Variants in LMO1 observed in about 807,000 individuals in gnomAD.
LMO1 encodes LIM domain only 1, also known as rhombotin-1.
LMO1 carries 10 observed loss-of-function variants against 18.0 expected under a neutral mutation model. That is an observed-to-expected ratio of 0.55 (90% confidence interval 0.34 to 0.94). The LOEUF is 0.94. Ranked by LOEUF, LMO1 falls within the 40% of genes least tolerant of loss-of-function variation. The pLI is 0.02. For missense variants in LMO1, 183 were observed against 205.7 expected, an observed-to-expected ratio of 0.89 and a Z score of 0.68; for synonymous variants, 77 against 77.9, an observed-to-expected ratio of 0.99 and a Z score of 0.06.
At chr11:8,262,127 A>G (rs966092861) in intron 1 of LMO1, among the ~76,000 whole-genome samples, 2 of 152,230 alleles carry the variant, frequency 1.3e-5, no homozygotes, top group Non-Finnish European at 2.9e-5. Flanking sequence ...GGCCACATCA[A>G]TAACAACGCT....
At chr11:8,251,387 C>T (rs572902844) in intron 1 of LMO1, among the ~76,000 whole-genome samples, 26 of 152,296 alleles carry the variant, frequency 1.7e-4, no homozygotes, top group Non-Finnish European at 3.1e-4. Context: ...GAGGAACTGC[C>T]GACACTACCT....
intron 2 of LMO1, among the ~76,000 whole-genome samples, chr11:8,229,434 A>G (rs1334363991): frequency 6.6e-6 from 1 of 152,130 alleles, no homozygotes; most frequent in Non-Finnish European, 1.5e-5. Flanking sequence ...CTGTTAATTA[A>G]TGCGATGAGC....
intron 1 of LMO1, among the ~76,000 whole-genome samples, chr11:8,251,873 G>GTGTA (rs1491394117): frequency 2.2e-4 from 2 of 8,956 alleles, no homozygotes; most frequent in Non-Finnish European, 6.4e-4. Flanking sequence ...ATGTGTGTGA[G>GTGTA]TGTGTGTGTG....
At chr11:8,228,291 G>C (rs937913278) in intron 2 of LMO1, among the ~76,000 whole-genome samples, 4 of 152,226 alleles carry the variant, frequency 2.6e-5, no homozygotes, top group Admixed American at 2.0e-4. Flanking sequence ...GCTCCTCCTT[G>C]CTTCTTTCCT....
chr11:8,226,776 A>G (rs1044741593), intron 3 of LMO1, 199 bp downstream of exon 3: 5 of 960,836 alleles, frequency 5.2e-6, no homozygotes, highest in Non-Finnish European at 7.3e-6. Flanking sequence ...CCCAATATTA[A>G]AGTGCACACA....
At chr11:8,264,782 C>G (rs1196823424), upstream of LMO1, among the ~76,000 whole-genome samples, 1 of 152,150 alleles carries the variant, frequency 6.6e-6, no homozygotes, top group East Asian at 1.9e-4. Flanking sequence ...CAGGCACACA[C>G]CACCACGCCC....
chr11:8,258,436 C>T (rs879657161), intron 1 of LMO1, among the ~76,000 whole-genome samples: 6 of 152,236 alleles, frequency 3.9e-5, no homozygotes, highest in African/African-American at 7.2e-5. Flanking sequence ...CAGCCCAGCC[C>T]GTCTAGCCAT....
intron 1 of LMO1, among the ~76,000 whole-genome samples, chr11:8,234,315 CCAGAGGT>C (rs1952722940): frequency 6.6e-6 from 1 of 152,172 alleles, no homozygotes; most frequent in South Asian, 2.1e-4. Context: ...GGACGCACTG[CCAGAGGT>C]CATCCCGCCC....
intron 2 of LMO1, among the ~76,000 whole-genome samples, chr11:8,229,206 C>A (rs1472094058): frequency 6.6e-6 from 1 of 152,172 alleles, no homozygotes; most frequent in African/African-American, 2.4e-5. Context: ...CTTCCTTAAC[C>A]CCTGCTTCTG....
At chr11:8,249,410 C>T (rs762458658) in intron 1 of LMO1, among the ~76,000 whole-genome samples, 7 of 152,214 alleles carry the variant, frequency 4.6e-5, no homozygotes, top group Non-Finnish European at 1.0e-4. Flanking sequence ...ATTTGCTCTC[C>T]ACAGAGTAAA....
At chr11:8,229,625 A>C (rs1481639505) in intron 2 of LMO1, among the ~76,000 whole-genome samples, 1 of 152,160 alleles carries the variant, frequency 6.6e-6, no homozygotes, top group Non-Finnish European at 1.5e-5. Flanking sequence ...AATTGTAGGG[A>C]GGGTGAGTTA....
At chr11:8,247,818 T>C (rs559632967) in intron 1 of LMO1, among the ~76,000 whole-genome samples, 128 of 152,170 alleles carry the variant, frequency 8.4e-4, no homozygotes, top group African/African-American at 2.9e-3. Context: ...TCTAAATTTC[T>C]CCCCCAAAGT....
Position 8,245,635 on chromosome 11 carries a change from T to TA in LMO1, c.26-15132dup, listed in dbSNP as rs534227650. ...GGATCTCACTGGGGAAGTACCAGGC[T>TA]AAGGGCAGCCTCCCTTCCGGAAGTT... is the stretch of plus-strand genomic sequence containing the variant. On this transcript the variant is annotated intron_variant, in intron 1 of 3. Transcript: ENST00000335790. Among the ~76,000 whole-genome samples the TA allele has an allele frequency of 4.7e-3, 722 of 152,306 alleles. 3 individuals carry two copies. Among genetic ancestry groups the TA allele is most frequent in the Non-Finnish European group, 8.3e-3 (567 of 68,026 alleles).
At chr11:8,243,118 C>G (rs1390330134) in intron 1 of LMO1, among the ~76,000 whole-genome samples, 2 of 152,120 alleles carry the variant, frequency 1.3e-5, no homozygotes, top group African/African-American at 4.8e-5. Context: ...GGATGGAAAC[C>G]CCTTTGGCTG....
chr11:8,234,865 A>C (rs924174193), intron 1 of LMO1, among the ~76,000 whole-genome samples: 3 of 151,530 alleles, frequency 2.0e-5, no homozygotes, highest in African/African-American at 4.9e-5. Flanking sequence ...GCCCATCCCC[A>C]CTCTCCCAAA....
Position 8,224,681 on chromosome 11 carries a change from T to A in LMO1, c.406A>T (p.Ile136Phe). The change falls in exon 4 of 4, where the codon ATC becomes TTC. Residue 136 changes from isoleucine (I) to phenylalanine (F), a missense_variant. Ile to Phe is a conservative substitution (Grantham distance 21). Coordinates refer to ENST00000335790, the MANE Select transcript of LMO1 (RefSeq NM_002315.3). ...GDKFFLKNNM[I>F]LCQMDYEEGQ... ...TCCTCATAGTCCATCTGACACAAGA[T>A]CATGTTGTTCTTCAGGAAGAATTTG... 6.2e-7 allele frequency: 1 copy of A among 1,610,144 alleles called. No homozygotes were observed. The highest frequency in any genetic ancestry group is 8.5e-7 in the Non-Finnish European group (1 of 1,178,122).
Position 8,227,028 on chromosome 11 carries a change from G to C in LMO1, c.312C>G (p.Ala104=), listed in dbSNP as rs369420489. 1 of 1,613,794 alleles carries C rather than the reference G, an allele frequency of 6.2e-7. No individual in the cohort carries two copies. The highest frequency in any genetic ancestry group is 8.5e-7 in the Non-Finnish European group (1 of 1,179,876). The change falls in exon 3 of 4, where the codon GCC becomes GCG. Residue 104 remains alanine (A), a synonymous_variant. Coordinates refer to ENST00000335790, the MANE Select transcript of LMO1 (RefSeq NM_002315.3). The part of the protein sequence containing the change: ...LIPAFEMVMR[A]RDNVYHLDCF... ...AGTCGAGGTGATACACGTTGTCCCG[G>C]GCCCGCATCACCATCTCGAAGGCTG... is the stretch of plus-strand genomic sequence containing the variant.
At chr11:8,240,049 G>A (rs987745058) in intron 1 of LMO1, among the ~76,000 whole-genome samples, 2 of 152,204 alleles carry the variant, frequency 1.3e-5, no homozygotes, top group Non-Finnish European at 2.9e-5. Context: ...TCCACACCCT[G>A]CCTGCTGTGT....
chr11:8,243,723 G>A (rs771872379), intron 1 of LMO1, among the ~76,000 whole-genome samples: 16 of 152,212 alleles, frequency 1.1e-4, no homozygotes, highest in Non-Finnish European at 2.1e-4. Context: ...AAGGAGGCAC[G>A]GGGTAGTGGG....
Sources: gnomAD v4.1 joint callset for allele counts (sites outside exome capture counted in the v4.1 genomes callset) on GRCh38, gnomAD v4.1.1 for gene constraint, MANE v1.5 for transcripts, NCBI Gene and HGNC (gene_info 2026-07-23, HGNC 2026-07-21) for gene names.